Variants in PTH2R observed in about 807,000 individuals in gnomAD.
PTH2R encodes the protein PTH2 receptor.
Under a neutral mutation model 60.3 loss-of-function variants are expected in PTH2R, and 59 were observed. The observed-to-expected ratio is 0.98, with a 90% CI of 0.79 to 1.22. The LOEUF (loss-of-function observed/expected upper bound fraction) is 1.22, where lower values mean the gene tolerates loss of function less well. PTH2R is among the 50% of genes most tolerant of loss of function. The pLI, the probability that PTH2R is intolerant of heterozygous loss-of-function variation, is 0.00. For missense variants in PTH2R, 749 were observed against 682.6 expected (o/e 1.10, Z -1.08); for synonymous variants, 256 against 243.8 (o/e 1.05, Z -0.47).
Position 208,493,244 on chromosome 2 carries a change from G to T in PTH2R, c.1258-20G>T. Reference sequence around the variant, plus strand: ...TCTCCTTTAGGATTTCTCATGCACAGCATGTTTCTCGTGGCTTAGGTTCAG... The same window carrying T: ...TCTCCTTTAGGATTTCTCATGCACATCATGTTTCTCGTGGCTTAGGTTCAG... On this transcript the variant is annotated intron_variant, in intron 12 of 12. Coordinates refer to ENST00000272847, the MANE Select transcript of PTH2R (RefSeq NM_005048.4). 6.7e-7 allele frequency: 1 copy of T among 1,489,168 alleles called. No individual in the cohort carries two copies. The allele number at this position is 1,489,168 out of a possible 1,614,324, so 92.2% of individuals were successfully genotyped here. A position where few individuals can be genotyped will look rare whatever the true frequency, so the allele number is the denominator to read the frequency against.
intron 9 of PTH2R, among the ~76,000 whole-genome samples, chr2:208,462,182 T>C (rs1702648155): frequency 6.6e-6 from 1 of 152,216 alleles, no homozygotes; most frequent in Non-Finnish European, 1.5e-5. Flanking sequence ...AAAGTTTTCA[T>C]AAAATGTCAA....
intron 1 of PTH2R, among the ~76,000 whole-genome samples, chr2:208,426,621 C>T (rs1017956984): frequency 1.3e-5 from 2 of 152,154 alleles, no homozygotes; most frequent in African/African-American, 4.8e-5. Flanking sequence ...CGGTTTCCCC[C>T]ATGCTGTTCT....
Position 208,437,556 on chromosome 2 carries a change from A to G in PTH2R, c.198A>G (p.Glu66=). The change falls in exon 3 of 13, where the codon GAA becomes GAG. Residue 66 remains glutamate (E), a synonymous_variant. Coordinates refer to ENST00000272847, the MANE Select transcript of PTH2R (RefSeq NM_005048.4). ...CATTAGAAGGTAATTGTTTCCCTGA[A>G]TGGGATGGACTCATTTGTTGGCCCA... The part of the protein sequence containing the change: ...LQEGEGNCFP[E]WDGLICWPRG... 6.2e-7 allele frequency: 1 copy of G among 1,608,716 alleles called. No individual in the cohort carries two copies. The highest frequency in any genetic ancestry group is 8.5e-7 in the Non-Finnish European group (1 of 1,177,856).
chr2:208,365,744 T>A (rs1309231656), intron 1 of PTH2R, among the ~76,000 whole-genome samples: 5 of 146,152 alleles, frequency 3.4e-5, no homozygotes, highest in Admixed American at 3.4e-4. Flanking sequence ...GTAAATTCTT[T>A]TTTTTTTTTT....
intron 8 of PTH2R, among the ~76,000 whole-genome samples, chr2:208,451,039 A>G (rs1022075563): frequency 3.3e-5 from 5 of 152,186 alleles, no homozygotes; most frequent in African/African-American, 9.6e-5. Flanking sequence ...CCTGACCTCC[A>G]TAGATTAAGA....
exon 1 of PTH2R, chr2:208,360,225 G>A: frequency 2.2e-6 from 1 of 453,922 alleles, no homozygotes; most frequent in South Asian, 1.6e-5. Flanking sequence ...AAAGGCACAG[G>A]TTCCTTGAAC....
intron 8 of PTH2R, among the ~76,000 whole-genome samples, chr2:208,458,539 A>G (rs1218671419): frequency 6.6e-6 from 1 of 152,124 alleles, no homozygotes; most frequent in Non-Finnish European, 1.5e-5. Flanking sequence ...ATAATATTAC[A>G]TCACCCAAGT....
intron 8 of PTH2R, among the ~76,000 whole-genome samples, chr2:208,452,106 G>A (rs1319648443): frequency 2.6e-5 from 4 of 152,102 alleles, no homozygotes; most frequent in Non-Finnish European, 2.9e-5. Context: ...ATAGTACCTG[G>A]CACTAAATGG....
intron 9 of PTH2R, among the ~76,000 whole-genome samples, chr2:208,465,766 AAAC>A (rs1195899585): frequency 6.6e-6 from 1 of 152,152 alleles, no homozygotes; most frequent in Non-Finnish European, 1.5e-5. Context: ...AACAGTGCAA[AAAC>A]AACATTAAAA....
At chr2:208,488,804 G>C (rs949849148) in intron 10 of PTH2R, among the ~76,000 whole-genome samples, 11 of 152,172 alleles carry the variant, frequency 7.2e-5, no homozygotes, top group African/African-American at 2.4e-4. Context: ...TTGAGCTCAG[G>C]AGGTCGACAC....
At chr2:208,400,776 T>A (rs896323911) in intron 1 of PTH2R, among the ~76,000 whole-genome samples, 2 of 152,240 alleles carry the variant, frequency 1.3e-5, no homozygotes, top group Non-Finnish European at 2.9e-5. Context: ...AAAGCATATG[T>A]ATATTTTATT....
intron 11 of PTH2R, among the ~76,000 whole-genome samples, chr2:208,490,432 A>G (rs1338589960): frequency 1.3e-5 from 2 of 152,214 alleles, no homozygotes. Context: ...TTAGTGACTT[A>G]TTTGGTTCAG....
chr2:208,441,572 C>A (rs1702184704), intron 4 of PTH2R, among the ~76,000 whole-genome samples: 1 of 152,110 alleles, frequency 6.6e-6, no homozygotes, highest in Non-Finnish European at 1.5e-5. Flanking sequence ...TTAAAAGATC[C>A]CATACTGTAT....
upstream of PTH2R, among the ~76,000 whole-genome samples, chr2:208,402,853 A>T (rs1315374082): frequency 6.6e-6 from 1 of 152,236 alleles, no homozygotes; most frequent in Non-Finnish European, 1.5e-5. Context: ...GTGAAGTTCT[A>T]TGGAAATGCT....
intron 1 of PTH2R, 104 bp from the exon 2 acceptor site, chr2:208,428,097 T>C: frequency 5.0e-6 from 4 of 796,452 alleles, no homozygotes; most frequent in Non-Finnish European, 8.0e-6. Flanking sequence ...AATAGCTTGA[T>C]ATCAAACTCA....
chr2:208,459,752 T>G (rs1030789445), intron 8 of PTH2R, 143 bp from the exon 9 acceptor site: 12 of 676,784 alleles, frequency 1.8e-5, no homozygotes, highest in Admixed American at 5.7e-5. Flanking sequence ...CTGGCTTGGG[T>G]GTTTTAAGAT....
At position 208,449,446 on chromosome 2, in the gene PTH2R, GATAGATAA is replaced by G. The variant is rs1255837796; in HGVS notation, c.854-1295_854-1288del. On this transcript the variant is annotated intron_variant, in intron 7 of 12. Transcript: ENST00000272847. ...GATTAATGGAGAAATGTGATAGATA[GATAGATAA>G]ATAGATAGATAGATAGATAGATAGA... is the stretch of plus-strand genomic sequence containing the variant. Among the ~76,000 whole-genome samples the G allele has an allele frequency of 5.5e-3, 835 of 151,650 alleles. 13 individuals are homozygous for G. The highest frequency in any genetic ancestry group is 0.018 in the African/African-American group (754 of 41,226).
chr2:208,404,949 T>C (rs1218218497), upstream of PTH2R, among the ~76,000 whole-genome samples: 1 of 152,224 alleles, frequency 6.6e-6, no homozygotes, highest in African/African-American at 2.4e-5. Context: ...ATGAATGGTA[T>C]TCCACCCTGG....
intron 1 of PTH2R, among the ~76,000 whole-genome samples, chr2:208,424,413 G>A (rs768383663): frequency 7.9e-5 from 12 of 152,148 alleles, no homozygotes; most frequent in Non-Finnish European, 2.9e-5. Context: ...GTAAACTGTG[G>A]TTTGGAAAAA....
Sources: gnomAD v4.1 joint callset for allele counts (sites outside exome capture counted in the v4.1 genomes callset) on GRCh38, gnomAD v4.1.1 for gene constraint, MANE v1.5 for transcripts, NCBI Gene and HGNC (gene_info 2026-07-23, HGNC 2026-07-21) for gene names.